The following ABCD2 variants were observed in gnomAD, a reference collection of about 807,000 sequenced individuals.
ABCD2 encodes the protein ATP-binding cassette sub-family D member 2.
In ABCD2, 36 loss-of-function variants were observed where a neutral mutation model predicts 70.9. That is an observed-to-expected ratio of 0.51 (90% CI 0.39 to 0.67). The LOEUF (loss-of-function observed/expected upper bound fraction) is 0.67, where lower values mean the gene tolerates loss of function less well. ABCD2 is among the 30% of genes least tolerant of loss of function. The pLI is 0.00. For missense variants in ABCD2, 729 were observed against 890.2 expected, an observed-to-expected ratio of 0.82 and a Z score of 2.30; for synonymous variants, 304 against 306.9, an observed-to-expected ratio of 0.99 and a Z score of 0.10.
At chr12:39,616,888 A>G in intron 2 of ABCD2, 100 bp downstream of exon 2, 1 of 1,070,162 alleles carries the variant, frequency 9.3e-7, no homozygotes, top group Non-Finnish European at 1.3e-6. Flanking sequence ...TAACTAGAAT[A>G]TGACCATGTA....
chr12:39,592,917 C>T (rs1941766005), intron 6 of ABCD2, among the ~76,000 whole-genome samples: 1 of 152,184 alleles, frequency 6.6e-6, no homozygotes, highest in Admixed American at 6.5e-5. Flanking sequence ...ACAGCATACC[C>T]CAGATTCTTG....
At chr12:39,573,916 G>T (rs1941482424) in intron 8 of ABCD2, 75 bp from the exon 9 acceptor site, 1 of 1,391,004 alleles carries the variant, frequency 7.2e-7, no homozygotes, top group Non-Finnish European at 9.7e-7. Flanking sequence ...AATATGAGTT[G>T]CATTGCTAAC....
chr12:39,531,611 C>A, the ABCD2 span, among the ~76,000 whole-genome samples: 3 of 152,172 alleles, frequency 2.0e-5, no homozygotes, highest in African/African-American at 7.2e-5. Context: ...TCAGTAAAAC[C>A]TTTTACATTA....
chr12:39,531,534 T>C, the ABCD2 span, among the ~76,000 whole-genome samples: 1 of 152,246 alleles, frequency 6.6e-6, no homozygotes, highest in East Asian at 1.9e-4. Flanking sequence ...CTGCCAACCA[T>C]ATTTTTAAAC....
the ABCD2 span, among the ~76,000 whole-genome samples, chr12:39,534,791 AAAGAAAGAAAG>A: frequency 6.7e-5 from 10 of 149,532 alleles, no homozygotes; most frequent in East Asian, 3.9e-4. Flanking sequence ...AGAAAGAAAG[AAAGAAAGAAAG>A]AAAGAAAAGA....
rs778421394 is a variant in ABCD2, at chr12:39,600,608, T to C, written c.1609A>G (p.Lys537Glu). 6.2e-7 allele frequency: 1 copy of C among 1,610,724 alleles called. No homozygotes were observed. Among genetic ancestry groups the C allele is most frequent in the East Asian group, 2.2e-5 (1 of 44,770 alleles). ...LWPVYEGVLY[K>E]PPPQHMFYIP... Reference sequence around the variant, plus strand: ...TAAAACATATGTTGAGGAGGTGGTTTATAGAGGACTCCTTCATACACAGGC... The same window carrying C: ...TAAAACATATGTTGAGGAGGTGGTTCATAGAGGACTCCTTCATACACAGGC... Residue 537 changes from lysine (K) to glutamate (E), a missense_variant, in exon 6 of 10, where the codon AAA (lysine) becomes GAA (glutamate). Transcript: ENST00000308666.
In ABCD2 at chr12:39,613,223, A is replaced by G. The variant is rs1021360483; in HGVS notation, c.1120+3765T>C. ...AAAACGGTGAAACCCCGTCTCTACTAAAAATACAAAAAATTAGCCGGGCGT... is the reference window on the plus strand; with the variant it reads ...AAAACGGTGAAACCCCGTCTCTACTGAAAATACAAAAAATTAGCCGGGCGT... On this transcript the variant is annotated intron_variant, in intron 2 of 9. Coordinates refer to ENST00000308666, the MANE Select transcript of ABCD2 (RefSeq NM_005164.4). Among the ~76,000 whole-genome samples, 4 of 124,374 alleles carry G rather than the reference A, an allele frequency of 3.2e-5. 1 individual carries two copies. The highest frequency in any genetic ancestry group is 4.4e-4 in the East Asian group (2 of 4,580). 81.6% of individuals were successfully genotyped at this position (124,374 alleles called of 152,430 possible).
intron 9 of ABCD2, among the ~76,000 whole-genome samples, chr12:39,560,779 TG>T (rs1423816194): frequency 6.6e-6 from 1 of 152,152 alleles, no homozygotes; most frequent in Non-Finnish European, 1.5e-5. Context: ...TGTTATAAGA[TG>T]TTTTTATAAG....
chr12:39,601,881 C>T (rs560722799), intron 5 of ABCD2, among the ~76,000 whole-genome samples: 3 of 151,752 alleles, frequency 2.0e-5, no homozygotes, highest in East Asian at 3.9e-4. Context: ...TTTGTAGAAG[C>T]GTAAATATTT....
chr12:39,544,923 T>C, the ABCD2 span, among the ~76,000 whole-genome samples: 2 of 152,232 alleles, frequency 1.3e-5, no homozygotes, highest in Non-Finnish European at 2.9e-5. Context: ...TAACGAGTCC[T>C]AGGATGAGTA....
intron 2 of ABCD2, among the ~76,000 whole-genome samples, chr12:39,613,535 T>A (rs1032849430): frequency 1.3e-5 from 2 of 151,192 alleles, no homozygotes; most frequent in African/African-American, 4.9e-5. Flanking sequence ...AAACTCTACA[T>A]AACTAACACT....
At chr12:39,597,506 G>A (rs764272346) in intron 6 of ABCD2, among the ~76,000 whole-genome samples, 2 of 152,108 alleles carry the variant, frequency 1.3e-5, no homozygotes, top group African/African-American at 2.4e-5. Flanking sequence ...CAGATAAACT[G>A]CAACAAGAAT....
intron 9 of ABCD2, among the ~76,000 whole-genome samples, chr12:39,569,004 G>C (rs1240933485): frequency 1.3e-5 from 2 of 152,134 alleles, no homozygotes; most frequent in Non-Finnish European, 2.9e-5. Context: ...TCTCAGAGGA[G>C]TACCCAGCTG....
chr12:39,547,875 A>C (rs1941040964), downstream of ABCD2, among the ~76,000 whole-genome samples: 1 of 152,010 alleles, frequency 6.6e-6, no homozygotes, highest in South Asian at 2.1e-4. Flanking sequence ...CTTTGTAATA[A>C]ACTTCTAAGG....
At chr12:39,577,203 AT>A (rs935340407) in intron 8 of ABCD2, among the ~76,000 whole-genome samples, 1 of 152,086 alleles carries the variant, frequency 6.6e-6, no homozygotes, top group African/African-American at 2.4e-5. Context: ...GAGATAACAG[AT>A]TTTTTCTTCT....
chr12:39,582,033 C>G (rs1941602803), intron 7 of ABCD2, among the ~76,000 whole-genome samples: 1 of 152,116 alleles, frequency 6.6e-6, no homozygotes, highest in African/African-American at 2.4e-5. Context: ...AAAGGATTAG[C>G]TAGTCTAAAC....
rs1941067731 is a variant in ABCD2 at position 39,550,150 on chromosome 12, G to A, written c.*3762C>T. The stretch of plus-strand genomic sequence containing the variant: ...AAATTAATATTTAAATAACTATTTG[G>A]TGACTATTGTCTATAGTTCTACACA... On this transcript the variant is annotated 3_prime_UTR_variant, in exon 10 of 10. Coordinates refer to ENST00000308666, the MANE Select transcript of ABCD2 (RefSeq NM_005164.4). 6.6e-6 allele frequency: 1 copy of A among 151,510 alleles called. No individual in the cohort carries two copies. The highest frequency in any genetic ancestry group is 1.5e-5 in the Non-Finnish European group (1 of 67,658). 9.4% of individuals were successfully genotyped at this position (151,510 alleles called of 1,614,324 possible). A position where few individuals can be genotyped will look rare whatever the true frequency, so the allele number is the denominator to read the frequency against.
intron 9 of ABCD2, among the ~76,000 whole-genome samples, chr12:39,554,719 G>A (rs1353213598): frequency 2.0e-5 from 3 of 152,102 alleles, no homozygotes; most frequent in Non-Finnish European, 4.4e-5. Flanking sequence ...TTCATAATTA[G>A]GAACTTCACA....
intron 2 of ABCD2, among the ~76,000 whole-genome samples, chr12:39,616,669 C>T (rs982064553): frequency 5.3e-5 from 8 of 152,070 alleles, no homozygotes; most frequent in Admixed American, 2.0e-4. Context: ...AGGGTACTAA[C>T]TTATTCTGAG....
Sources: gnomAD v4.1 joint callset for allele counts (sites outside exome capture counted in the v4.1 genomes callset) on GRCh38, gnomAD v4.1.1 for gene constraint, MANE v1.5 for transcripts, NCBI Gene and HGNC (gene_info 2026-07-23, HGNC 2026-07-21) for gene names.